SPAG16: variants seen among roughly 807,000 people sequenced by gnomAD.
The protein encoded by SPAG16 is sperm-associated antigen 16 protein.
A neutral mutation model predicts 80.4 loss-of-function variants in SPAG16; 86 were observed. That is an observed-to-expected ratio of 1.07 (90% confidence interval 0.90 to 1.28). The LOEUF (loss-of-function observed/expected upper bound fraction) is 1.28, where lower values mean the gene tolerates loss of function less well. Ranked by LOEUF, SPAG16 falls within the 50% of genes most tolerant of loss-of-function variation. The pLI is 0.00. For synonymous variants in SPAG16, 294 were observed against 265.9 expected, an observed-to-expected ratio of 1.11 and a Z score of -1.03; for missense variants, 870 against 765.3, an observed-to-expected ratio of 1.14 and a Z score of -1.61.
chr2:213,694,042 C>CAAAAAAAAAAA (rs68152101), intron 10 of SPAG16, among the ~76,000 whole-genome samples: 4 of 121,366 alleles, frequency 3.3e-5, no homozygotes, highest in African/African-American at 1.3e-4. Context: ...TTATGCAAGA[C>CAAAAAAAAAAA]AAAAAAAAAA....
At chr2:213,660,996 C>T (rs890797548) in intron 10 of SPAG16, among the ~76,000 whole-genome samples, 1 of 151,540 alleles carries the variant, frequency 6.6e-6, no homozygotes. Flanking sequence ...GCACTCTTAA[C>T]TTGTCTTGTC....
At chr2:213,842,475 A>C (rs2074408308) in intron 10 of SPAG16, among the ~76,000 whole-genome samples, 3 of 152,080 alleles carry the variant, frequency 2.0e-5, no homozygotes, top group South Asian at 4.1e-4. Flanking sequence ...ATTCTATTGG[A>C]TATACCTTGG....
At chr2:213,421,089 A>G (rs2069554355) in intron 9 of SPAG16, among the ~76,000 whole-genome samples, 1 of 151,498 alleles carries the variant, frequency 6.6e-6, no homozygotes, top group Non-Finnish European at 1.5e-5. Flanking sequence ...CAGGAGCCCC[A>G]TGCTCTGGGC....
At chr2:213,710,621 C>G (rs1003396411) in intron 10 of SPAG16, among the ~76,000 whole-genome samples, 1 of 152,160 alleles carries the variant, frequency 6.6e-6, no homozygotes, top group African/African-American at 2.4e-5. Flanking sequence ...ACATAATTCT[C>G]TCAACACACT....
intron 15 of SPAG16, among the ~76,000 whole-genome samples, chr2:214,282,620 C>A (rs913746575): frequency 3.9e-5 from 6 of 152,018 alleles, no homozygotes; most frequent in African/African-American, 1.4e-4. Flanking sequence ...TAAAGAAATA[C>A]CGTCTTTTAA....
At chr2:213,844,075 G>C (rs1156788980) in intron 10 of SPAG16, among the ~76,000 whole-genome samples, 1 of 152,192 alleles carries the variant, frequency 6.6e-6, no homozygotes, top group Non-Finnish European at 1.5e-5. Flanking sequence ...CAAAAACCTA[G>C]TTGCCTTCTC....
chr2:213,920,825 A>G (rs2078186983), intron 11 of SPAG16, among the ~76,000 whole-genome samples: 2 of 152,220 alleles, frequency 1.3e-5, no homozygotes, highest in Non-Finnish European at 2.9e-5. Flanking sequence ...ATACTCTGCC[A>G]CGAGTGCTTA....
At position 214,284,790 on chromosome 2, in the gene SPAG16, T is replaced by C. The variant is rs998510810; in HGVS notation, c.1721-125350T>C. On this transcript the variant is annotated intron_variant, in intron 15 of 15. Coordinates refer to ENST00000331683, the MANE Select transcript of SPAG16 (RefSeq NM_024532.5). ...AACTCATTTTTAAGGTTGAATAATA[T>C]TTTACTCTGTGTGTGTGTGTGTGTG... 2.3e-5 allele frequency among the ~76,000 whole-genome samples: 3 copies of C among 132,408 alleles called. 1 individual carries two copies. In the South Asian group the frequency reaches 7.6e-4, roughly 34 times the overall value. 86.9% of individuals were successfully genotyped at this position (132,408 alleles called of 152,430 possible). A position where few individuals can be genotyped will look rare whatever the true frequency, so the allele number is the denominator to read the frequency against.
intron 10 of SPAG16, among the ~76,000 whole-genome samples, chr2:213,513,263 A>G (rs1293664491): frequency 1.3e-5 from 2 of 152,176 alleles, no homozygotes; most frequent in Non-Finnish European, 2.9e-5. Flanking sequence ...TCCAAACCTA[A>G]CGTGGTCATA....
intron 15 of SPAG16, among the ~76,000 whole-genome samples, chr2:214,322,791 A>G (rs1696192092): frequency 6.6e-6 from 1 of 152,150 alleles, no homozygotes; most frequent in South Asian, 2.1e-4. Flanking sequence ...TGAGTCGGTA[A>G]TAAGCTATGC....
intron 10 of SPAG16, among the ~76,000 whole-genome samples, chr2:213,522,693 A>G (rs912898490): frequency 6.6e-6 from 1 of 152,158 alleles, no homozygotes; most frequent in Admixed American, 6.5e-5. Context: ...GGGTCTGGGC[A>G]GCACATCTTT....
At chr2:213,815,665 C>T (rs1188277762) in intron 10 of SPAG16, among the ~76,000 whole-genome samples, 2 of 151,918 alleles carry the variant, frequency 1.3e-5, no homozygotes, top group African/African-American at 4.8e-5. Flanking sequence ...AAAGCCTTGT[C>T]CTTCCTTTAA....
At chr2:213,841,222 C>T (rs1467613645) in intron 10 of SPAG16, among the ~76,000 whole-genome samples, 2 of 152,070 alleles carry the variant, frequency 1.3e-5, no homozygotes, top group African/African-American at 4.8e-5. Flanking sequence ...TAGTCATGAG[C>T]ATGAGAGTAG....
chr2:214,258,487 A>ATATATATATATATG (rs1559161026), intron 15 of SPAG16, among the ~76,000 whole-genome samples: 2 of 147,136 alleles, frequency 1.4e-5, no homozygotes, highest in African/African-American at 5.2e-5. Flanking sequence ...ATATATATAT[A>ATATATATATATATG]TATACACACA....
chr2:214,132,358 A>T (rs1266206840), intron 14 of SPAG16, among the ~76,000 whole-genome samples: 1 of 152,226 alleles, frequency 6.6e-6, no homozygotes, highest in Non-Finnish European at 1.5e-5. Context: ...GTCCAATGTG[A>T]TAGGTGCTAG....
At chr2:213,950,702 CTTTTTT>C (rs59353089) in intron 12 of SPAG16, among the ~76,000 whole-genome samples, 20 of 99,726 alleles carry the variant, frequency 2.0e-4, no homozygotes, top group African/African-American at 7.6e-4. Context: ...TTTTTTCTTT[CTTTTTT>C]TTTTTTTTTT....
chr2:213,705,245 C>A (rs1559393520), intron 10 of SPAG16, among the ~76,000 whole-genome samples: 1 of 150,006 alleles, frequency 6.7e-6, no homozygotes, highest in South Asian at 2.1e-4. Context: ...AAGACTCTGT[C>A]TCAAAAATAA....
At chr2:214,242,720 A>C (rs906735536) in intron 15 of SPAG16, among the ~76,000 whole-genome samples, 6 of 152,198 alleles carry the variant, frequency 3.9e-5, no homozygotes, top group Non-Finnish European at 1.5e-5. Context: ...CTGTGTAAAA[A>C]TAATGCAAAA....
chr2:213,646,540 A>G (rs2062831247), intron 10 of SPAG16, among the ~76,000 whole-genome samples: 1 of 152,238 alleles, frequency 6.6e-6, no homozygotes, highest in East Asian at 1.9e-4. Context: ...TAGTGATTAG[A>G]GAATTACATA....
Sources: allele counts gnomAD v4.1 joint callset (sites outside exome capture counted in the v4.1 genomes callset), GRCh38; gene constraint gnomAD v4.1.1; transcripts MANE v1.5; gene names NCBI Gene and HGNC (gene_info 2026-07-23, HGNC 2026-07-21).